CALR: variants seen among roughly 807,000 people sequenced by gnomAD.
The protein encoded by CALR is CRP55.
CALR carries 15 observed loss-of-function variants against 51.1 expected under a neutral mutation model. The observed-to-expected ratio is 0.29, with a 90% CI of 0.20 to 0.45. CALR has a LOEUF of 0.45. CALR is among the 20% of genes least tolerant of loss of function. The probability of loss-of-function intolerance (pLI) is 1.00; values close to 1 mark genes in which losing one functional copy is unlikely to be tolerated. For missense variants in CALR, 477 were observed against 530.6 expected, an observed-to-expected ratio of 0.90 and a Z score of 0.99; for synonymous variants, 239 against 205.9, an observed-to-expected ratio of 1.16 and a Z score of -1.38.
chr19:12,939,481 C>G lies in CALR; in HGVS notation c.247C>G (p.Pro83Ala), dbSNP rs762383116. Residue 83 changes from proline to alanine, a missense_variant, in exon 3 of 9, where the codon CCT becomes GCT. Pro to Ala is a conservative substitution (Grantham distance 27). Transcript: ENST00000316448. ...TTATGCTCTGTCGGCCAGTTTCGAG[C>G]CTTTCAGCAACAAAGGCCAGACGCT... ...RFYALSASFE[P>A]FSNKGQTLVV... is the part of the protein sequence containing the mutation. 1.2e-6 allele frequency: 2 copies of G among 1,612,762 alleles called. No individual in the cohort carries two copies. Among genetic ancestry groups the G allele is most frequent in the Non-Finnish European group, 8.5e-7 (1 of 1,180,018 alleles).
chr19:12,943,670 G>A (rs753340694), intron 8 of CALR, 41 bp downstream of exon 8: 4 of 1,614,150 alleles, frequency 2.5e-6, no homozygotes, highest in Non-Finnish European at 3.4e-6. Context: ...GGCGGGCAGG[G>A]CTGGCAGGGG....
chr19:12,938,891 G>C (rs1971503900), intron 1 of CALR, 121 bp downstream of exon 1: 2 of 853,892 alleles, frequency 2.3e-6, no homozygotes, highest in Non-Finnish European at 3.9e-6. Flanking sequence ...CGGGACTAGA[G>C]CCGCGGGCGA....
intron 7 of CALR, among the ~76,000 whole-genome samples, chr19:12,942,187 C>T (rs1236952591): frequency 2.0e-5 from 3 of 151,764 alleles, no homozygotes; most frequent in Non-Finnish European, 4.4e-5. Flanking sequence ...GTGAATGAAA[C>T]CCCATCTCTA....
chr19:12,941,910 A>G (rs905454056), intron 7 of CALR, among the ~76,000 whole-genome samples: 8 of 152,064 alleles, frequency 5.3e-5, no homozygotes, highest in Non-Finnish European at 1.0e-4. Flanking sequence ...AGCCTCTACA[A>G]AAACTTTAAA....
At position 12,940,398 on chromosome 19, in the gene CALR, G is replaced by A. The variant is rs200486676; in HGVS notation, c.648G>A (p.Pro216=). Residue 216 remains proline (P), a synonymous_variant, in exon 5 of 9, where the codon CCG becomes CCA. Coordinates refer to ENST00000316448, the MANE Select transcript of CALR (RefSeq NM_004343.4). Reference sequence around the variant, plus strand: ...TAAAGGATCCTGATGCTTCAAAACCGGAAGACTGGGATGAGCGGGCCAAGA... The same window carrying A: ...TAAAGGATCCTGATGCTTCAAAACCAGAAGACTGGGATGAGCGGGCCAAGA... ...KKIKDPDASK[P]EDWDERAKID... The A allele has an allele frequency of 2.4e-5, 38 of 1,614,160 alleles. No homozygotes were observed. Among genetic ancestry groups the A allele is most frequent in the African/African-American group, 1.9e-4 (14 of 75,032 alleles).
At chr19:12,941,769 C>T (rs921183244) in intron 7 of CALR, among the ~76,000 whole-genome samples, 9 of 151,886 alleles carry the variant, frequency 5.9e-5, no homozygotes, top group African/African-American at 1.5e-4. Context: ...AGGCGTGAGC[C>T]ACCTCACCCA....
chr19:12,939,249 A>T lies in CALR; in HGVS notation c.193+14A>T. 6.4e-7 allele frequency: 1 copy of T among 1,574,166 alleles called. No homozygotes were observed. The highest frequency in any genetic ancestry group is 8.7e-7 in the Non-Finnish European group (1 of 1,148,032). On this transcript the variant is annotated intron_variant, in intron 2 of 8. Transcript: ENST00000316448. Reference sequence around the variant, plus strand: ...AGAAAGATAAAGGTAAGAGCCTAGGAGTGGGTGCTCAGATCCGGGAGGACT... The same window carrying T: ...AGAAAGATAAAGGTAAGAGCCTAGGTGTGGGTGCTCAGATCCGGGAGGACT...
chr19:12,941,408 G>A (rs1247922544), intron 7 of CALR, among the ~76,000 whole-genome samples: 1 of 151,590 alleles, frequency 6.6e-6, no homozygotes, highest in Admixed American at 6.6e-5. Flanking sequence ...CGATTCTCCT[G>A]CCTCAGCCTC....
In CALR at chr19:12,939,432, G is replaced by A; in HGVS notation, c.198G>A (p.Leu66=). ...CTCACTACCGTCCCGTCTCAGGTTT[G>A]CAGACAAGCCAGGATGCACGCTTTT... The part of the protein sequence containing the change: ...FYGDEEKDKG[L]QTSQDARFYA... Residue 66 remains leucine (L), a synonymous_variant, in exon 3 of 9, where the codon TTG becomes TTA. Transcript: ENST00000316448. The A allele has an allele frequency of 6.2e-7, 1 of 1,612,362 alleles. No individual in the cohort carries two copies. Among genetic ancestry groups the A allele is most frequent in the Non-Finnish European group, 8.5e-7 (1 of 1,180,018 alleles).
rs199565419 is a variant in CALR, at chr19:12,940,345, G to C, written c.595G>C (p.Asp199His). Residue 199 changes from aspartate to histidine, a missense_variant, in exon 5 of 9, where the codon GAT becomes CAT. Physicochemically the swap from Asp to His is moderately conservative, Grantham distance 81 (BLOSUM62 -1). Transcript: ENST00000316448. ...SQVESGSLEDDWDFLPPKKIK... is the reference protein window; with the variant it reads ...SQVESGSLEDHWDFLPPKKIK... ...GGTGGAGTCCGGCTCCTTGGAAGAC[G>C]ATTGGGACTTCCTGCCACCCAAGAA... 6.2e-7 allele frequency: 1 copy of C among 1,613,988 alleles called. No individual in the cohort carries two copies. The highest frequency in any genetic ancestry group is 2.2e-5 in the East Asian group (1 of 44,898).
Position 12,940,460 on chromosome 19 carries a change from T to G in CALR, c.702+8T>G. 1.2e-6 allele frequency: 2 copies of G among 1,614,080 alleles called. No homozygotes were observed. Among genetic ancestry groups the G allele is most frequent in the Non-Finnish European group, 1.7e-6 (2 of 1,179,992 alleles). On this transcript the variant is annotated splice_region_variant and intron_variant, in intron 5 of 8. Coordinates refer to ENST00000316448, the MANE Select transcript of CALR (RefSeq NM_004343.4). The stretch of plus-strand genomic sequence containing the variant: ...ACAGACTCCAAGCCTGAGGTTGGTG[T>G]TTGGGCAGGGGCTCTGCTCTCCACA...
Position 12,939,463 on chromosome 19 carries a change from C to G in CALR, c.229C>G (p.Leu77Val), listed in dbSNP as rs1328767759. 1 of 1,612,428 alleles carries G rather than the reference C, an allele frequency of 6.2e-7. No homozygotes were observed. Among genetic ancestry groups the G allele is most frequent in the Non-Finnish European group, 8.5e-7 (1 of 1,180,022 alleles). The change falls in exon 3 of 9, where the codon CTG (leucine) becomes GTG (valine). Residue 77 changes from leucine (L) to valine (V), a missense_variant. By Grantham distance (32) the Leu-to-Val change is conservative. Coordinates refer to ENST00000316448, the MANE Select transcript of CALR (RefSeq NM_004343.4). ...AAGCCAGGATGCACGCTTTTATGCT[C>G]TGTCGGCCAGTTTCGAGCCTTTCAG... ...QTSQDARFYA[L>V]SASFEPFSNK...
chr19:12,943,591 G>A lies in CALR; in HGVS notation c.1015G>A (p.Ala339Thr), dbSNP rs1200295838. The A allele has an allele frequency of 2.5e-6, 4 of 1,614,110 alleles. No homozygotes were observed. In the South Asian group the frequency reaches 4.4e-5, roughly 18 times the overall value. ...CCTCATCACCAACGATGAGGCATAC[G>A]CTGAGGAGTTTGGCAACGAGACGTG... The part of the protein sequence containing the change: ...NFLITNDEAY[A>T]EEFGNETWGV... The change falls in exon 8 of 9, where the codon GCT (alanine) becomes ACT (threonine). Residue 339 changes from alanine (A) to threonine (T), a missense_variant. Ala to Thr is a moderately conservative substitution (Grantham distance 58). Transcript: ENST00000316448.
chr19:12,943,269 A>G (rs1376348725), intron 7 of CALR: 2 of 442,320 alleles, frequency 4.5e-6, no homozygotes, highest in African/African-American at 2.0e-5. Context: ...TATTTTTAGT[A>G]GAGACGGGGT....
At chr19:12,939,682 A>G in intron 3 of CALR, 51 bp downstream of exon 3, 1 of 1,468,176 alleles carries the variant, frequency 6.8e-7, no homozygotes, top group Non-Finnish European at 9.5e-7. Context: ...TTAGAGGGAG[A>G]CCCAGACCCC....
At position 12,939,305 on chromosome 19, in the gene CALR, C is replaced by T. The variant is rs142536647; in HGVS notation, c.193+70C>T. On this transcript the variant is annotated intron_variant, in intron 2 of 8. Coordinates refer to ENST00000316448, the MANE Select transcript of CALR (RefSeq NM_004343.4). ...GCAGAAGTCCTTGTCTGTACACACACAGCCGGGACAGTCCCCTTGGAGGAG... is the reference window on the plus strand; with the variant it reads ...GCAGAAGTCCTTGTCTGTACACACATAGCCGGGACAGTCCCCTTGGAGGAG... 3.1e-4 allele frequency: 445 copies of T among 1,421,260 alleles called. 6 individuals are homozygous for T. The East Asian group carries it at 7.6e-3, about 24-fold the overall frequency. The allele number at this position is 1,421,260 out of a possible 1,614,324, so 88.0% of individuals were successfully genotyped here.
chr19:12,942,360 C>CA (rs539049105), intron 7 of CALR, among the ~76,000 whole-genome samples: 22,987 of 124,684 alleles, frequency 0.18, 2,507 homozygotes, highest in East Asian at 0.59. Flanking sequence ...GACTCTGTCC[C>CA]AAAAAAAAAA....
At position 12,940,140 on chromosome 19, in the gene CALR, G is replaced by A. The variant is rs532726457; in HGVS notation, c.485G>A (p.Arg162His). The A allele has an allele frequency of 5.0e-6, 8 of 1,613,902 alleles. No individual in the cohort carries two copies. The East Asian group carries it at 8.9e-5, about 18-fold the overall frequency. Residue 162 changes from arginine to histidine, a missense_variant, in exon 4 of 9, where the codon CGT becomes CAT. By Grantham distance (29) the Arg-to-His change is conservative. Coordinates refer to ENST00000316448, the MANE Select transcript of CALR (RefSeq NM_004343.4). ...AACGTGCTGATCAACAAGGACATCC[G>A]TTGCAAGGTGTGCCTGGGGGTGGTG... ...GKNVLINKDI[R>H]CKDDEFTHLY...
chr19:12,942,045 A>AGAGT (rs761741393), intron 7 of CALR, among the ~76,000 whole-genome samples: 2 of 151,980 alleles, frequency 1.3e-5, no homozygotes, highest in African/African-American at 2.4e-5. Context: ...CCTCGGTGAC[A>AGAGT]GAGTGAGACC....
Sources: allele counts gnomAD v4.1 joint callset (sites outside exome capture counted in the v4.1 genomes callset), GRCh38; gene constraint gnomAD v4.1.1; transcripts MANE v1.5; gene names NCBI Gene and HGNC (gene_info 2026-07-23, HGNC 2026-07-21).